The following NXPH1 variants were observed in gnomAD, a reference collection of about 807,000 sequenced individuals.
NXPH1 encodes the protein neurexophilin-1.
NXPH1 carries 5 observed loss-of-function variants against 23.7 expected under a neutral mutation model. The ratio of observed to expected loss-of-function variants is 0.21; its 90% CI spans 0.11 to 0.44. NXPH1 has a LOEUF of 0.44. NXPH1 is among the 20% of genes least tolerant of loss of function. The pLI, the probability that NXPH1 is intolerant of heterozygous loss-of-function variation, is 0.99. For missense variants in NXPH1, 324 were observed against 321.6 expected, an observed-to-expected ratio of 1.01 and a Z score of -0.06; for synonymous variants, 144 against 122.2, an observed-to-expected ratio of 1.18 and a Z score of -1.18.
intron 2 of NXPH1, among the ~76,000 whole-genome samples, chr7:8,540,731 C>A (rs1584220948): frequency 6.6e-6 from 1 of 151,720 alleles, no homozygotes; most frequent in Non-Finnish European, 1.5e-5. Context: ...AAGGAACCAG[C>A]TGAAAATGTT....
chr7:8,464,595 A>C (rs1020815274), intron 2 of NXPH1, among the ~76,000 whole-genome samples: 1 of 152,214 alleles, frequency 6.6e-6, no homozygotes, highest in Non-Finnish European at 1.5e-5. Flanking sequence ...GTAGGAGTCA[A>C]GAAGATCTAG....
intron 2 of NXPH1, among the ~76,000 whole-genome samples, chr7:8,565,074 C>A (rs1184296486): frequency 1.3e-5 from 2 of 151,754 alleles, no homozygotes; most frequent in Non-Finnish European, 2.9e-5. Flanking sequence ...TGCCCAATCA[C>A]CTGTGGCATA....
At chr7:8,685,107 T>C (rs1055959506) in intron 2 of NXPH1, among the ~76,000 whole-genome samples, 4 of 152,156 alleles carry the variant, frequency 2.6e-5, no homozygotes, top group African/African-American at 9.7e-5. Flanking sequence ...GAACAGTTTC[T>C]ATCTGTTCCT....
chr7:8,699,607 GA>G (rs1244440030), intron 2 of NXPH1, among the ~76,000 whole-genome samples: 1 of 152,132 alleles, frequency 6.6e-6, no homozygotes, highest in Non-Finnish European at 1.5e-5. Flanking sequence ...CAACAGTTAA[GA>G]AAGATAGTTG....
intron 2 of NXPH1, among the ~76,000 whole-genome samples, chr7:8,718,229 T>A (rs1228556727): frequency 6.6e-6 from 1 of 152,176 alleles, no homozygotes; most frequent in African/African-American, 2.4e-5. Context: ...CAGCTTTTGA[T>A]TAAAACATAG....
At chr7:8,693,686 T>C (rs140349576) in intron 2 of NXPH1, among the ~76,000 whole-genome samples, 63 of 152,370 alleles carry the variant, frequency 4.1e-4, no homozygotes, top group African/African-American at 1.4e-3. Flanking sequence ...CTTTGTTATT[T>C]TCTTTTCTTC....
chr7:8,582,056 C>T (rs1003650541), intron 2 of NXPH1, among the ~76,000 whole-genome samples: 18 of 152,274 alleles, frequency 1.2e-4, no homozygotes, highest in Middle Eastern at 3.4e-3. Context: ...GCTGCTGTGG[C>T]AGGGTGGGCA....
chr7:8,637,452 T>C (rs1317509106), intron 2 of NXPH1, among the ~76,000 whole-genome samples: 1 of 152,096 alleles, frequency 6.6e-6, no homozygotes. Context: ...CTTGAATTCC[T>C]GGGCTCAAGC....
chr7:8,718,325 T>C (rs943340978), intron 2 of NXPH1, among the ~76,000 whole-genome samples: 6 of 152,178 alleles, frequency 3.9e-5, no homozygotes, highest in African/African-American at 1.4e-4. Flanking sequence ...ATTAATAAAG[T>C]AGGCTTAGAG....
At chr7:8,480,290 A>G (rs1321899144) in intron 2 of NXPH1, among the ~76,000 whole-genome samples, 1 of 152,170 alleles carries the variant, frequency 6.6e-6, no homozygotes, top group African/African-American at 2.4e-5. Context: ...AAAAGGTTGG[A>G]TGGAATTTTT....
intron 2 of NXPH1, among the ~76,000 whole-genome samples, chr7:8,583,834 AG>A (rs1818928580): frequency 6.6e-6 from 1 of 152,188 alleles, no homozygotes; most frequent in African/African-American, 2.4e-5. Flanking sequence ...GAGGAGAGGT[AG>A]GGTAGCAAGT....
At chr7:8,465,376 T>C (rs10272916) in intron 2 of NXPH1, among the ~76,000 whole-genome samples, 86,062 of 151,978 alleles carry the variant, frequency 0.57, 26,024 homozygotes, top group East Asian at 0.79. Flanking sequence ...GGGGATTGTG[T>C]CTCCTGAAGG....
intron 2 of NXPH1, among the ~76,000 whole-genome samples, chr7:8,744,911 T>C (rs1447985117): frequency 6.6e-6 from 1 of 152,208 alleles, no homozygotes; most frequent in African/African-American, 2.4e-5. Flanking sequence ...AAATGAAATA[T>C]TGCAATTAGT....
intron 2 of NXPH1, among the ~76,000 whole-genome samples, chr7:8,487,579 A>G (rs1584188759): frequency 6.6e-6 from 1 of 152,080 alleles, no homozygotes; most frequent in Non-Finnish European, 1.5e-5. Flanking sequence ...TTGTCCTTCC[A>G]TTTTATCACT....
intron 2 of NXPH1, among the ~76,000 whole-genome samples, chr7:8,645,459 G>T (rs563842244): frequency 6.6e-6 from 1 of 151,830 alleles, no homozygotes; most frequent in Non-Finnish European, 1.5e-5. Flanking sequence ...AACTCCCTCT[G>T]TGATATTCTC....
At chr7:8,658,107 T>A (rs1820610817) in intron 2 of NXPH1, among the ~76,000 whole-genome samples, 1 of 152,238 alleles carries the variant, frequency 6.6e-6, no homozygotes, top group South Asian at 2.1e-4. Context: ...TAATTCAAAG[T>A]TAATTTCACT....
intron 2 of NXPH1, among the ~76,000 whole-genome samples, chr7:8,575,769 T>A (rs202034834): frequency 4.3e-4 from 63 of 147,722 alleles, no homozygotes; most frequent in Admixed American, 1.7e-3. Flanking sequence ...TTTTTTTTTT[T>A]AAATAAGCTC....
chr7:8,581,294 T>A (rs1249671766), intron 2 of NXPH1, among the ~76,000 whole-genome samples: 2 of 152,142 alleles, frequency 1.3e-5, no homozygotes, highest in African/African-American at 4.8e-5. Context: ...TGAGACTGGG[T>A]AATTTATAAA....
chr7:8,446,834 T>TAAA (rs1386154254), intron 2 of NXPH1, among the ~76,000 whole-genome samples: 1 of 152,178 alleles, frequency 6.6e-6, no homozygotes, highest in Non-Finnish European at 1.5e-5. Context: ...TATACACGGT[T>TAAA]AAAAATCATG....
Sources: allele counts gnomAD v4.1 joint callset (sites outside exome capture counted in the v4.1 genomes callset), GRCh38; gene constraint gnomAD v4.1.1; transcripts MANE v1.5; gene names NCBI Gene and HGNC (gene_info 2026-07-23, HGNC 2026-07-21).